STK32B: variants seen among roughly 807,000 people sequenced by gnomAD.
STK32B encodes serine/threonine-protein kinase 32B.
A neutral mutation model predicts 52.6 loss-of-function variants in STK32B; 43 were observed. That is an observed-to-expected ratio of 0.82 (90% CI 0.64 to 1.05). STK32B has a LOEUF of 1.05. Ranked by LOEUF, STK32B falls within the 50% of genes least tolerant of loss-of-function variation. STK32B has a pLI of 0.00. For synonymous variants in STK32B, 238 were observed against 204.3 expected, an observed-to-expected ratio of 1.17 and a Z score of -1.41; for missense variants, 621 against 534.6, an observed-to-expected ratio of 1.16 and a Z score of -1.59.
At chr4:5,185,115 G>T (rs1177391593) in intron 3 of STK32B, among the ~76,000 whole-genome samples, 1 of 152,212 alleles carries the variant, frequency 6.6e-6, no homozygotes, top group Non-Finnish European at 1.5e-5. Context: ...TATCCTGATT[G>T]AATGTTAATG....
chr4:5,302,829 C>T (rs1441249974), intron 3 of STK32B, among the ~76,000 whole-genome samples: 2 of 152,024 alleles, frequency 1.3e-5, no homozygotes, highest in Non-Finnish European at 2.9e-5. Flanking sequence ...GCTTAGCTCC[C>T]ACTAATGAGT....
At chr4:5,175,694 A>G (rs867357157) in intron 3 of STK32B, among the ~76,000 whole-genome samples, 35 of 151,932 alleles carry the variant, frequency 2.3e-4, no homozygotes, top group Admixed American at 6.5e-4. Context: ...CGGCCGTGTG[A>G]GGTGTCAATC....
At chr4:5,102,581 G>A (rs574238603) in intron 1 of STK32B, among the ~76,000 whole-genome samples, 1 of 149,086 alleles carries the variant, frequency 6.7e-6, no homozygotes, top group Non-Finnish European at 1.5e-5. Flanking sequence ...CCAGGCTGGA[G>A]TATGCAGTGG....
At chr4:5,250,098 T>A (rs1725808875) in intron 3 of STK32B, among the ~76,000 whole-genome samples, 1 of 152,196 alleles carries the variant, frequency 6.6e-6, no homozygotes, top group African/African-American at 2.4e-5. Context: ...CATTCAGTTT[T>A]ATGGTGGCAT....
intron 3 of STK32B, among the ~76,000 whole-genome samples, chr4:5,310,004 A>T (rs1007697637): frequency 1.2e-4 from 18 of 152,170 alleles, no homozygotes; most frequent in Admixed American, 5.9e-4. Context: ...CATCTCTACT[A>T]AAAATACAAA....
At chr4:5,170,321 T>A (rs1263594427) in intron 3 of STK32B, among the ~76,000 whole-genome samples, 1 of 152,056 alleles carries the variant, frequency 6.6e-6, no homozygotes, top group Non-Finnish European at 1.5e-5. Flanking sequence ...TTATTTTTAT[T>A]ATTATACTTT....
intron 3 of STK32B, among the ~76,000 whole-genome samples, chr4:5,261,346 G>T (rs1260797684): frequency 1.3e-5 from 2 of 152,234 alleles, no homozygotes; most frequent in Non-Finnish European, 2.9e-5. Context: ...GTCAGCTAGA[G>T]GAGAGACGAA....
chr4:5,257,907 C>A (rs1726437005), intron 3 of STK32B, among the ~76,000 whole-genome samples: 1 of 152,152 alleles, frequency 6.6e-6, no homozygotes, highest in African/African-American at 2.4e-5. Context: ...CGTGCCACTG[C>A]ACTCCAGCCT....
At chr4:5,178,522 A>G (rs1720101557) in intron 3 of STK32B, among the ~76,000 whole-genome samples, 1 of 152,190 alleles carries the variant, frequency 6.6e-6, no homozygotes, top group African/African-American at 2.4e-5. Flanking sequence ...AAATTTCTAC[A>G]GCCGCCTTGA....
intron 11 of STK32B, 81 bp downstream of exon 11, chr4:5,468,151 C>G (rs1277886527): frequency 6.9e-7 from 1 of 1,442,144 alleles, no homozygotes; most frequent in Non-Finnish European, 9.7e-7. Flanking sequence ...ACAGTCCCTG[C>G]CCCCCAAACC....
chr4:5,155,547 C>G (rs1717755432), intron 2 of STK32B, among the ~76,000 whole-genome samples: 3 of 152,122 alleles, frequency 2.0e-5, no homozygotes, highest in Admixed American at 2.0e-4. Context: ...TATGGTTTGG[C>G]TCTGTGTCCC....
chr4:5,048,121 G>GTT (rs544109916), upstream of STK32B, among the ~76,000 whole-genome samples: 1 of 143,674 alleles, frequency 7.0e-6, no homozygotes, highest in Non-Finnish European at 1.5e-5. Flanking sequence ...ATAATTTTCT[G>GTT]TTTTTTTTTT....
At chr4:5,282,310 T>C (rs1016730137) in intron 3 of STK32B, among the ~76,000 whole-genome samples, 1 of 152,152 alleles carries the variant, frequency 6.6e-6, no homozygotes, top group African/African-American at 2.4e-5. Flanking sequence ...ATCTACAGAT[T>C]CTCAAGTCCC....
Position 5,499,358 on chromosome 4 carries a change from G to C in STK32B, c.*275G>C, listed in dbSNP as rs1720558761. Reference sequence around the variant, plus strand: ...CCCCACTTCAAATTACAAGATTATGGGGAGAACCCAATTAGGTAGGAAACA... The same window carrying C: ...CCCCACTTCAAATTACAAGATTATGCGGAGAACCCAATTAGGTAGGAAACA... On this transcript the variant is annotated 3_prime_UTR_variant, in exon 12 of 12. Transcript: ENST00000282908. The C allele has an allele frequency of 5.2e-6, 2 of 382,104 alleles. No homozygotes were observed. Among genetic ancestry groups the C allele is most frequent in the East Asian group, 7.7e-5 (2 of 25,864 alleles). 23.7% of individuals were successfully genotyped at this position (382,104 alleles called of 1,614,324 possible).
intron 6 of STK32B, among the ~76,000 whole-genome samples, chr4:5,427,776 A>T (rs1050433832): frequency 1.3e-5 from 2 of 151,960 alleles, no homozygotes; most frequent in Non-Finnish European, 2.9e-5. Context: ...TTGGTAATTG[A>T]TGTTTTCTCT....
At chr4:5,110,750 A>C (rs1714360967) in intron 1 of STK32B, among the ~76,000 whole-genome samples, 1 of 152,154 alleles carries the variant, frequency 6.6e-6, no homozygotes, top group Non-Finnish European at 1.5e-5. Flanking sequence ...CAAAACAAAA[A>C]AATAGACAAA....
At chr4:5,425,779 C>T (rs866593571) in intron 6 of STK32B, among the ~76,000 whole-genome samples, 1 of 152,170 alleles carries the variant, frequency 6.6e-6, no homozygotes, top group Non-Finnish European at 1.5e-5. Context: ...CCATCACCCC[C>T]ACAAAAGTTC....
At chr4:5,401,556 C>T (rs1280328377) in intron 5 of STK32B, among the ~76,000 whole-genome samples, 1 of 152,208 alleles carries the variant, frequency 6.6e-6, no homozygotes, top group Non-Finnish European at 1.5e-5. Flanking sequence ...GGAATGGACA[C>T]TTTCATTCTG....
rs1238924593 is a variant in STK32B, at chr4:5,313,036, A to C, written c.261-18184A>C. 9.9e-5 allele frequency among the ~76,000 whole-genome samples: 15 copies of C among 152,062 alleles called. No individual in the cohort carries two copies. In the South Asian group the frequency reaches 2.1e-3, roughly 21 times the overall value. On this transcript the variant is annotated intron_variant, in intron 3 of 11. Coordinates refer to ENST00000282908, the MANE Select transcript of STK32B (RefSeq NM_018401.3). Reference sequence around the variant, plus strand: ...AAGACAGTATGATAAAAGAAAGACCAACATAGCTCATGAATATAGATGCAA... The same window carrying C: ...AAGACAGTATGATAAAAGAAAGACCCACATAGCTCATGAATATAGATGCAA...
Sources: allele counts gnomAD v4.1 joint callset (sites outside exome capture counted in the v4.1 genomes callset), GRCh38; gene constraint gnomAD v4.1.1; transcripts MANE v1.5; gene names NCBI Gene and HGNC (gene_info 2026-07-23, HGNC 2026-07-21).